AAK1: variants seen among roughly 807,000 people sequenced by gnomAD.
AAK1 encodes AP2-associated protein kinase 1.
In AAK1, 37 loss-of-function variants were observed where a neutral mutation model predicts 116.0. That is an observed-to-expected ratio of 0.32 (90% CI 0.25 to 0.42). The LOEUF is 0.42. Among genes scored for constraint, AAK1 ranks in the 10% least tolerant of loss-of-function variants. The probability of loss-of-function intolerance (pLI) is 1.00; values close to 1 mark genes in which losing one functional copy is unlikely to be tolerated. For synonymous variants in AAK1, 458 were observed against 439.9 expected (o/e 1.04, Z -0.51); for missense variants, 919 against 1,170.6 (o/e 0.79, Z 3.14).
At position 69,458,726 on chromosome 2, in the gene AAK1, C is replaced by T. The variant is rs1232778071; in HGVS notation, c.*17143G>A. On this transcript the variant is annotated 3_prime_UTR_variant, in exon 22 of 22. Coordinates refer to ENST00000409085, the MANE Select transcript of AAK1 (RefSeq NM_014911.5). ...GAATGAGCACACACACACACACACA[C>T]ACCCCATTCACACTCAAATAGGAAT... 6.6e-6 allele frequency: 1 copy of T among 152,576 alleles called. No individual in the cohort carries two copies. Among genetic ancestry groups the T allele is most frequent in the Admixed American group, 6.5e-5 (1 of 15,268 alleles). 9.5% of individuals were successfully genotyped at this position (152,576 alleles called of 1,614,324 possible). A position where few individuals can be genotyped will look rare whatever the true frequency, so the allele number is the denominator to read the frequency against.
chr2:69,575,764 G>A (rs562699533), intron 2 of AAK1, among the ~76,000 whole-genome samples: 16 of 152,164 alleles, frequency 1.1e-4, no homozygotes, highest in Admixed American at 5.9e-4. Context: ...CACCGTGCCC[G>A]GCCACAAATT....
At chr2:69,560,158 C>A (rs1014351352) in intron 2 of AAK1, among the ~76,000 whole-genome samples, 2 of 152,238 alleles carry the variant, frequency 1.3e-5, no homozygotes, top group East Asian at 1.9e-4. Flanking sequence ...CCACGCCTAA[C>A]AGGACTTGTC....
intron 17 of AAK1, among the ~76,000 whole-genome samples, chr2:69,487,515 G>C (rs113812933): frequency 2.0e-5 from 3 of 152,262 alleles, no homozygotes; most frequent in African/African-American, 4.8e-5. Context: ...AATGAACAAA[G>C]ACCTTTTTTC....
chr2:69,594,614 G>A (rs956333188), intron 2 of AAK1: 10 of 505,078 alleles, frequency 2.0e-5, no homozygotes, highest in Non-Finnish European at 2.8e-5. Context: ...CAGGCCGAAA[G>A]TGAGGCCTCT....
intron 16 of AAK1, among the ~76,000 whole-genome samples, chr2:69,497,295 CTTTTTTTTT>C (rs1176401016): frequency 1.3e-5 from 1 of 76,080 alleles, no homozygotes; most frequent in East Asian, 4.4e-4. Flanking sequence ...CATTATCATT[CTTTTTTTTT>C]TTTTTTTTTT....
chr2:69,478,871 G>C (rs745498784), intron 20 of AAK1, 80 bp downstream of exon 20: 62 of 1,195,640 alleles, frequency 5.2e-5, no homozygotes, highest in Non-Finnish European at 7.0e-5. Flanking sequence ...AAAGACTTTT[G>C]ATAAGAAAAA....
chr2:69,531,736 G>A (rs1670265065), intron 6 of AAK1: 6 of 1,087,900 alleles, frequency 5.5e-6, no homozygotes, highest in Non-Finnish European at 6.7e-6. Flanking sequence ...CTTTTACGGT[G>A]TGTGCACCTC....
At chr2:69,556,075 T>C (rs1175525146) in intron 3 of AAK1, among the ~76,000 whole-genome samples, 1 of 152,184 alleles carries the variant, frequency 6.6e-6, no homozygotes, top group Admixed American at 6.5e-5. Context: ...AATCTGCATC[T>C]TGAAAAATGA....
intron 2 of AAK1, among the ~76,000 whole-genome samples, chr2:69,588,547 C>T (rs1484514315): frequency 6.6e-6 from 1 of 152,130 alleles, no homozygotes; most frequent in Non-Finnish European, 1.5e-5. Flanking sequence ...GAAATCCTGC[C>T]CTCCAAATGA....
intron 2 of AAK1, among the ~76,000 whole-genome samples, chr2:69,614,518 C>G (rs768757370): frequency 2.0e-5 from 3 of 152,114 alleles, no homozygotes; most frequent in Admixed American, 2.0e-4. Context: ...GCACTCTCCA[C>G]GGCATTTTGC....
Position 69,514,542 on chromosome 2 carries a change from T to G in AAK1, c.1705A>C (p.Met569Leu), listed in dbSNP as rs752169008. 1 of 1,553,246 alleles carries G rather than the reference T, an allele frequency of 6.4e-7. No homozygotes were observed. The highest frequency in any genetic ancestry group is 8.7e-7 in the Non-Finnish European group (1 of 1,148,038). ...GGCTGGGGCTGCTGTCCTGCTGCCA[T>G]AGTGGGCTTTTGCTGCAAGGCAGCC... The part of the protein sequence containing the change: ...QQAALQQKPT[M>L]AAGQQPQPQP... The change falls in exon 13 of 22, where the codon ATG becomes CTG. Residue 569 changes from methionine to leucine, a missense_variant. Transcript: ENST00000409085.
chr2:69,594,169 A>C (rs1290598205), intron 2 of AAK1, among the ~76,000 whole-genome samples: 2 of 152,198 alleles, frequency 1.3e-5, no homozygotes, highest in Non-Finnish European at 2.9e-5. Context: ...GTAGTGGTAT[A>C]TCTCTAAATT....
intron 19 of AAK1, among the ~76,000 whole-genome samples, chr2:69,479,578 C>A (rs111376578): frequency 0.015 from 2,239 of 152,146 alleles, 40 homozygotes; most frequent in African/African-American, 0.051. Context: ...ACAAAGTATC[C>A]AAACTGATTA....
rs2104872939 is a variant in AAK1 at position 69,471,544 on chromosome 2, C to T, written c.*4325G>A. 1.0e-6 allele frequency: 1 copy of T among 985,412 alleles called. No homozygotes were observed. The highest frequency in any genetic ancestry group is 1.1e-4 in the East Asian group (1 of 8,822). 61.0% of individuals were successfully genotyped at this position (985,412 alleles called of 1,614,324 possible). The stretch of plus-strand genomic sequence containing the variant: ...ATAGTTTTTCTGTTCTGCCAGGCAG[C>T]CTCTAATTTGCTTAACCCGGCACAC... On this transcript the variant is annotated 3_prime_UTR_variant, in exon 22 of 22. Coordinates refer to ENST00000409085, the MANE Select transcript of AAK1 (RefSeq NM_014911.5).
chr2:69,640,051 A>ACTCTCT (rs34183429), intron 2 of AAK1, among the ~76,000 whole-genome samples: 9 of 100,746 alleles, frequency 8.9e-5, no homozygotes, highest in South Asian at 3.0e-4. Flanking sequence ...ACACACACAC[A>ACTCTCT]CACTCTCTCT....
intron 3 of AAK1, among the ~76,000 whole-genome samples, chr2:69,546,361 A>T (rs1670924866): frequency 6.6e-6 from 1 of 152,196 alleles, no homozygotes; most frequent in Non-Finnish European, 1.5e-5. Context: ...CCAAACAGAA[A>T]ATGATTTTGG....
intron 2 of AAK1, among the ~76,000 whole-genome samples, chr2:69,583,477 A>G (rs1259125178): frequency 1.3e-5 from 2 of 152,182 alleles, no homozygotes; most frequent in African/African-American, 4.8e-5. Flanking sequence ...TTGAAACCTG[A>G]AGGCAAAGAG....
chr2:69,474,051 T>C lies in AAK1; in HGVS notation c.*1818A>G, dbSNP rs752484869. 2.8e-5 allele frequency: 28 copies of C among 985,884 alleles called. No individual in the cohort carries two copies. Among genetic ancestry groups the C allele is most frequent in the Non-Finnish European group, 3.4e-5 (28 of 829,936 alleles). The allele number at this position is 985,884 out of a possible 1,614,324, so 61.1% of individuals were successfully genotyped here. A position where few individuals can be genotyped will look rare whatever the true frequency, so the allele number is the denominator to read the frequency against. ...ATCTTGTTTCAGCCAGCACGGGAAG[T>C]ATTTAAAGACAGAAGGAAGGCTGGA... On this transcript the variant is annotated 3_prime_UTR_variant, in exon 22 of 22. Coordinates refer to ENST00000409085, the MANE Select transcript of AAK1 (RefSeq NM_014911.5).
At chr2:69,625,756 T>C (rs1348009581) in intron 2 of AAK1, among the ~76,000 whole-genome samples, 1 of 152,250 alleles carries the variant, frequency 6.6e-6, no homozygotes, top group African/African-American at 2.4e-5. Flanking sequence ...AGTAAAACTT[T>C]AAAAATTGAT....
Sources: allele counts gnomAD v4.1 joint callset (sites outside exome capture counted in the v4.1 genomes callset), GRCh38; gene constraint gnomAD v4.1.1; transcripts MANE v1.5; gene names NCBI Gene and HGNC (gene_info 2026-07-23, HGNC 2026-07-21).